Variants in TAPBPL observed in about 807,000 individuals in gnomAD.
TAPBPL encodes the protein tapasin-related protein.
TAPBPL carries 32 observed loss-of-function variants against 44.8 expected under a neutral mutation model. The observed-to-expected ratio is 0.71, with a 90% CI of 0.54 to 0.96. The LOEUF (loss-of-function observed/expected upper bound fraction) is 0.96. Ranked by LOEUF, TAPBPL falls within the 40% of genes least tolerant of loss-of-function variation. The probability of loss-of-function intolerance (pLI) is 0.00; values close to 1 mark genes in which losing one functional copy is unlikely to be tolerated. For synonymous variants in TAPBPL, 230 were observed against 240.7 expected, an observed-to-expected ratio of 0.96 and a Z score of 0.41; for missense variants, 520 against 586.6, an observed-to-expected ratio of 0.89 and a Z score of 1.17.
downstream of TAPBPL, chr12:6,466,335 GC>G (rs1950024896): frequency 6.2e-7 from 1 of 1,613,682 alleles, no homozygotes; most frequent in African/African-American, 1.3e-5. Context: ...TCAGCAGGTG[GC>G]TGAGCTGGAG....
chr12:6,461,817 T>A (rs765667858), intron 6 of TAPBPL, among the ~76,000 whole-genome samples: 2 of 152,172 alleles, frequency 1.3e-5, no homozygotes, highest in Non-Finnish European at 2.9e-5. Context: ...ACGGTGGAAC[T>A]CAGCATACCA....
chr12:6,455,641 C>CTA (rs1949684961), intron 3 of TAPBPL, among the ~76,000 whole-genome samples: 1 of 152,098 alleles, frequency 6.6e-6, no homozygotes, highest in South Asian at 2.1e-4. Context: ...ATAGTCTCAA[C>CTA]TATAAAGTCC....
At chr12:6,464,542 C>G (rs1311315110), downstream of TAPBPL, 5 of 1,469,444 alleles carry the variant, frequency 3.4e-6, no homozygotes, top group African/African-American at 4.3e-5. Flanking sequence ...CAGGAGAAAA[C>G]AAGAGGGTGA....
At chr12:6,464,048 C>A (rs1003001207), downstream of TAPBPL, 1 of 1,297,084 alleles carries the variant, frequency 7.7e-7, no homozygotes. Context: ...ATCTTCCCAG[C>A]CCCTCCCTAG....
chr12:6,457,781 A>G, intron 4 of TAPBPL, 37 bp downstream of exon 4: 1 of 1,513,632 alleles, frequency 6.6e-7, no homozygotes, highest in East Asian at 2.3e-5. Flanking sequence ...GGAAGGGGAT[A>G]TAACATGTCT....
At chr12:6,459,861 C>T (rs1164646180) in intron 5 of TAPBPL, among the ~76,000 whole-genome samples, 2 of 151,758 alleles carry the variant, frequency 1.3e-5, no homozygotes, top group African/African-American at 4.8e-5. Context: ...ACCTCCATAT[C>T]CTGGGTTCAA....
At chr12:6,460,814 C>A (rs1267735346) in intron 5 of TAPBPL, 41 bp from the exon 6 acceptor site, 1 of 1,602,894 alleles carries the variant, frequency 6.2e-7, no homozygotes, top group South Asian at 1.1e-5. Context: ...CTCATGATTC[C>A]TGCGCACGAT....
chr12:6,452,939 G>T, intron 1 of TAPBPL, 128 bp from the exon 2 acceptor site: 3 of 997,424 alleles, frequency 3.0e-6, no homozygotes, highest in Non-Finnish European at 4.3e-6. Flanking sequence ...GAGGGACACA[G>T]AAACAGCTAG....
downstream of TAPBPL, chr12:6,464,113 C>A: frequency 7.5e-7 from 1 of 1,333,962 alleles, no homozygotes; most frequent in Non-Finnish European, 9.8e-7. Flanking sequence ...ATACTCTTCT[C>A]CTCCCAAGTC....
chr12:6,453,100 T>C lies in TAPBPL; in HGVS notation c.98T>C (p.Val33Ala), dbSNP rs1397314613. 2.5e-6 allele frequency: 4 copies of C among 1,577,628 alleles called. No homozygotes were observed. Among genetic ancestry groups the C allele is most frequent in the East Asian group, 4.6e-5 (2 of 43,840 alleles). The change falls in exon 2 of 7, where the codon GTG becomes GCG. Residue 33 changes from valine (V) to alanine (A), a missense_variant. Physicochemically the swap from Val to Ala is moderately conservative, Grantham distance 64. Coordinates refer to ENST00000266556, the MANE Select transcript of TAPBPL (RefSeq NM_018009.5). The surrounding 1 kb of genome is among the most constrained non-coding windows in gnomAD (Gnocchi z 4.8). The stretch of plus-strand genomic sequence containing the variant: ...CCAGCAGAGGGGCAGTGGCGGGCAG[T>C]GGACGTGGTCCTAGACTGCTTCCTG... ...PHPAEGQWRAVDVVLDCFLAK... is the reference protein window; with the variant it reads ...PHPAEGQWRAADVVLDCFLAK...
At chr12:6,465,006 T>C, downstream of TAPBPL, 1 of 1,599,254 alleles carries the variant, frequency 6.3e-7, no homozygotes, top group Non-Finnish European at 8.5e-7. Flanking sequence ...GCCACATCTC[T>C]AGTGGGAAAC....
chr12:6,465,778 G>A, downstream of TAPBPL: 4 of 1,588,000 alleles, frequency 2.5e-6, no homozygotes, highest in Middle Eastern at 1.7e-4. Context: ...AGAAGCTGAG[G>A]GTTTTCTTGC....
At chr12:6,465,391 T>C (rs1400032752), downstream of TAPBPL, 11 of 114,420 alleles carry the variant, frequency 9.6e-5, no homozygotes, top group African/African-American at 2.5e-4. Context: ...TATATGTATA[T>C]ATATATATAA....
chr12:6,471,879 C>T, the TAPBPL span, among the ~76,000 whole-genome samples: 2 of 152,136 alleles, frequency 1.3e-5, no homozygotes, highest in Non-Finnish European at 2.9e-5. The surrounding 1 kb of genome is among the most constrained non-coding windows in gnomAD (Gnocchi z 4.0). Context: ...GCTTTCCTTA[C>T]CACTTAGCAT....
chr12:6,463,099 C>A, downstream of TAPBPL: 1 of 1,520,144 alleles, frequency 6.6e-7, no homozygotes, highest in South Asian at 1.2e-5. This position sits in a 1 kb window ranked among gnomAD's most constrained non-coding sequence, Gnocchi z 4.0. Flanking sequence ...TCAGCAATTG[C>A]CCCGAAGATA....
chr12:6,466,147 G>A, downstream of TAPBPL: 1 of 1,612,282 alleles, frequency 6.2e-7, no homozygotes, highest in Non-Finnish European at 8.5e-7. Context: ...TACGAAAAAA[G>A]GAGAAAAGAT....
intron 3 of TAPBPL, among the ~76,000 whole-genome samples, chr12:6,457,010 T>A (rs1949719147): frequency 6.6e-6 from 1 of 152,206 alleles, no homozygotes. Flanking sequence ...CTTAAGCAGG[T>A]GAGCTTGGTA....
intron 5 of TAPBPL, among the ~76,000 whole-genome samples, chr12:6,460,297 A>T (rs992035135): frequency 4.7e-5 from 7 of 148,372 alleles, no homozygotes; most frequent in African/African-American, 1.5e-4. Flanking sequence ...ATAGGGTCTC[A>T]CTCTGTCGCC....
chr12:6,465,221 T>A, downstream of TAPBPL: 1 of 482,906 alleles, frequency 2.1e-6, no homozygotes, highest in Non-Finnish European at 3.9e-6. Context: ...GGCATTCCAA[T>A]AGAGATACAG....
Sources: allele counts gnomAD v4.1 joint callset (sites outside exome capture counted in the v4.1 genomes callset), GRCh38; gene constraint gnomAD v4.1.1; non-coding constraint Gnocchi (gnomAD v3.1); transcripts MANE v1.5; gene names NCBI Gene and HGNC (gene_info 2026-07-23, HGNC 2026-07-21).